Variants in RASGRF2 observed in about 807,000 individuals in gnomAD.
RASGRF2 encodes Ras protein specific guanine nucleotide releasing factor 2.
In RASGRF2, 76 loss-of-function variants were observed where a neutral mutation model predicts 151.0. The ratio of observed to expected loss-of-function variants is 0.50; its 90% CI spans 0.42 to 0.61. RASGRF2 has a LOEUF of 0.61. Among genes scored for constraint, RASGRF2 ranks in the 20% least tolerant of loss-of-function variants. The pLI is 0.00. For missense variants in RASGRF2, 1,148 were observed against 1,564.6 expected, an observed-to-expected ratio of 0.73 and a Z score of 4.49; for synonymous variants, 504 against 566.5, an observed-to-expected ratio of 0.89 and a Z score of 1.57.
At chr5:80,995,351 T>C (rs1748808811) in intron 1 of RASGRF2, among the ~76,000 whole-genome samples, 1 of 150,726 alleles carries the variant, frequency 6.6e-6, no homozygotes, top group African/African-American at 2.4e-5. Flanking sequence ...TTTGTCACTT[T>C]AGTTAGAATT....
intron 1 of RASGRF2, among the ~76,000 whole-genome samples, chr5:81,030,729 G>A (rs1750209630): frequency 6.6e-6 from 1 of 152,208 alleles, no homozygotes; most frequent in African/African-American, 2.4e-5. Context: ...ATGCCAGGAA[G>A]AAACCGCATC....
rs150589348 is a variant in RASGRF2, at chr5:81,000,305, G to A, written c.288+39279G>A. 3.9e-5 allele frequency among the ~76,000 whole-genome samples: 6 copies of A among 152,308 alleles called. No individual in the cohort carries two copies. The East Asian group carries it at 9.6e-4, about 24-fold the overall frequency. ...CACCTAGGCTGGAGTGCAATGGTGCGATCTTGGCTCACTTCAACCTCCACC... is the reference window on the plus strand; with the variant it reads ...CACCTAGGCTGGAGTGCAATGGTGCAATCTTGGCTCACTTCAACCTCCACC... On this transcript the variant is annotated intron_variant, in intron 1 of 26. Transcript: ENST00000265080.
intron 1 of RASGRF2, among the ~76,000 whole-genome samples, chr5:80,977,613 C>T (rs1748165082): frequency 6.6e-6 from 1 of 152,148 alleles, no homozygotes; most frequent in African/African-American, 2.4e-5. Context: ...CCCACCACCA[C>T]ACCCGGCTAA....
intron 17 of RASGRF2, among the ~76,000 whole-genome samples, chr5:81,162,138 C>A (rs1754398967): frequency 6.7e-6 from 1 of 149,204 alleles, no homozygotes; most frequent in African/African-American, 2.5e-5. Context: ...AGAAAGAAGC[C>A]TCTGCACAAA....
intron 17 of RASGRF2, among the ~76,000 whole-genome samples, chr5:81,131,021 A>T (rs941573120): frequency 6.6e-6 from 1 of 152,144 alleles, no homozygotes; most frequent in African/African-American, 2.4e-5. Flanking sequence ...ATCAAAATAT[A>T]TAGGAATCTG....
At chr5:81,038,653 G>T (rs1413223363) in intron 1 of RASGRF2, among the ~76,000 whole-genome samples, 3 of 137,610 alleles carry the variant, frequency 2.2e-5, no homozygotes, top group African/African-American at 8.2e-5. Flanking sequence ...ATGGCAAACT[G>T]CAGTCTCAAA....
Position 81,042,002 on chromosome 5 carries a change from G to GT in RASGRF2, c.289-870dup, listed in dbSNP as rs1191546952. Among the ~76,000 whole-genome samples the GT allele has an allele frequency of 2.6e-5, 4 of 152,130 alleles. No homozygotes were observed. In the East Asian group the frequency reaches 7.7e-4, roughly 29 times the overall value. On this transcript the variant is annotated intron_variant, in intron 1 of 26. Transcript: ENST00000265080. ...CCTGATGCTTTTGCTCCATGTTATT[G>GT]TTTTTATCAAGAATTCTTCTTTTTT...
At chr5:81,044,416 TA>T (rs897750177) in intron 2 of RASGRF2, among the ~76,000 whole-genome samples, 5 of 151,090 alleles carry the variant, frequency 3.3e-5, no homozygotes, top group African/African-American at 7.3e-5. Flanking sequence ...AGACTCCATC[TA>T]AAAAAAAACC....
chr5:81,033,873 G>A (rs1750364647), intron 1 of RASGRF2, among the ~76,000 whole-genome samples: 1 of 152,150 alleles, frequency 6.6e-6, no homozygotes, highest in African/African-American at 2.4e-5. Flanking sequence ...CCTACAGAAT[G>A]GGAGAAAATT....
chr5:81,126,574 C>A lies in RASGRF2; in HGVS notation c.2597-500C>A, dbSNP rs1357848906. 2.6e-5 allele frequency among the ~76,000 whole-genome samples: 4 copies of A among 152,164 alleles called. No individual in the cohort carries two copies. In the South Asian group the frequency reaches 6.2e-4, roughly 24 times the overall value. On this transcript the variant is annotated intron_variant, in intron 16 of 26. Transcript: ENST00000265080. ...TCACTCTCCATTCCCCCTCCAACCC[C>A]AGCAGCCCTAGGCAACCACTAATCT...
At chr5:81,220,856 A>G (rs1755842629) in intron 26 of RASGRF2, among the ~76,000 whole-genome samples, 1 of 152,218 alleles carries the variant, frequency 6.6e-6, no homozygotes, top group Admixed American at 6.5e-5. Flanking sequence ...GATCCCATCC[A>G]GGACACCACA....
chr5:81,141,926 GAT>G (rs1753894306), intron 17 of RASGRF2, among the ~76,000 whole-genome samples: 1 of 152,192 alleles, frequency 6.6e-6, no homozygotes, highest in Non-Finnish European at 1.5e-5. Flanking sequence ...TTTGCAGTGA[GAT>G]ATTGATTACT....
chr5:81,145,311 A>C (rs557340847), intron 17 of RASGRF2, among the ~76,000 whole-genome samples: 1 of 122,124 alleles, frequency 8.2e-6, no homozygotes, highest in African/African-American at 3.0e-5. Flanking sequence ...CCTTATACAT[A>C]TAAGGCATAG....
At chr5:81,221,247 C>T (rs1755850475) in intron 26 of RASGRF2, among the ~76,000 whole-genome samples, 1 of 152,120 alleles carries the variant, frequency 6.6e-6, no homozygotes, top group Non-Finnish European at 1.5e-5. Context: ...GAACACCCCA[C>T]ACCTAAGGAA....
chr5:81,061,740 T>A (rs1258090131), intron 2 of RASGRF2, among the ~76,000 whole-genome samples: 1 of 151,804 alleles, frequency 6.6e-6, no homozygotes, highest in East Asian at 1.9e-4. Context: ...CAACCTGGAG[T>A]GCAGTGGCAT....
At chr5:81,220,658 C>T (rs772524635) in intron 26 of RASGRF2, among the ~76,000 whole-genome samples, 29 of 152,198 alleles carry the variant, frequency 1.9e-4, no homozygotes, top group Middle Eastern at 3.4e-3. Context: ...TTAGTAGAGA[C>T]GGGGTTTCAC....
chr5:81,216,379 A>C (rs61112032), intron 24 of RASGRF2, among the ~76,000 whole-genome samples: 1 of 146,494 alleles, frequency 6.8e-6, no homozygotes, highest in Non-Finnish European at 1.5e-5. Flanking sequence ...GCACACACAC[A>C]CACACAAACA....
intron 1 of RASGRF2, among the ~76,000 whole-genome samples, chr5:80,971,600 C>A (rs1747936378): frequency 6.7e-6 from 1 of 148,682 alleles, no homozygotes. Context: ...GTTTCTTACT[C>A]TGTCATCCAG....
At chr5:81,054,624 C>T (rs1384678246) in intron 2 of RASGRF2, among the ~76,000 whole-genome samples, 1 of 101,128 alleles carries the variant, frequency 9.9e-6, no homozygotes. Flanking sequence ...TTTTTGCTTC[C>T]ATATGAACTT....
Sources: gnomAD v4.1 joint callset for allele counts (sites outside exome capture counted in the v4.1 genomes callset) on GRCh38, gnomAD v4.1.1 for gene constraint, MANE v1.5 for transcripts, NCBI Gene and HGNC (gene_info 2026-07-23, HGNC 2026-07-21) for gene names.